MAP7D3: variants seen among roughly 807,000 people sequenced by gnomAD.
MAP7D3 encodes the protein MAP7 domain containing 3.
A neutral mutation model predicts 62.2 loss-of-function variants in MAP7D3; 45 were observed. That is an observed-to-expected ratio of 0.72 (90% CI 0.57 to 0.93). MAP7D3 has a LOEUF of 0.93. Among genes scored for constraint, MAP7D3 ranks in the 40% least tolerant of loss-of-function variants. The pLI, the probability that MAP7D3 is intolerant of heterozygous loss-of-function variation, is 0.00. For missense variants in MAP7D3, 711 were observed against 683.1 expected, an observed-to-expected ratio of 1.04 and a Z score of -0.45; for synonymous variants, 288 against 248.8, an observed-to-expected ratio of 1.16 and a Z score of -1.48.
chrX:136,215,136 T>C (rs1433554758), downstream of MAP7D3: 2 of 112,050 alleles, frequency 1.8e-5, no homozygotes, highest in Non-Finnish European at 3.8e-5. Flanking sequence ...CCCAAAGACT[T>C]GGGATAAACA....
At chrX:136,251,215 A>T in intron 1 of MAP7D3, 74 bp downstream of exon 1, 1 of 917,204 alleles carries the variant, frequency 1.1e-6, no homozygotes, top group Non-Finnish European at 1.5e-6. Flanking sequence ...CGCCGCTCCG[A>T]CGGCCCGGGG....
Position 136,220,886 on chromosome X carries a change from C to T in MAP7D3, c.2365G>A (p.Val789Ile), listed in dbSNP as rs770063034. The T allele has an allele frequency of 1.7e-6, 2 of 1,206,848 alleles. No homozygotes were observed. Among genetic ancestry groups the T allele is most frequent in the Non-Finnish European group, 1.1e-6 (1 of 891,080 alleles). ...TGGCTGGTACCATCTTCTAGAAATA[C>T]CAGCTTGTGTGTCATTTTCTTGGCA... ...NNAKKMTHKL[V>I]FLEDGTSQVR... is the part of the protein sequence containing the mutation. Residue 789 changes from valine to isoleucine, a missense_variant, in exon 16 of 19, where the codon GTA becomes ATA. By Grantham distance (29) the Val-to-Ile change is conservative. Coordinates refer to ENST00000316077, the MANE Select transcript of MAP7D3 (RefSeq NM_024597.4).
rs2074082358 is a variant in MAP7D3 at position 136,218,159 on chromosome X, C to A, written c.*367G>T. ...CAATCAGATTCTTCTAGAAACTCCACAGTTACAGTTTCAGGAAAGCATCCT... is the reference window on the plus strand; with the variant it reads ...CAATCAGATTCTTCTAGAAACTCCAAAGTTACAGTTTCAGGAAAGCATCCT... On this transcript the variant is annotated 3_prime_UTR_variant, in exon 19 of 19. Transcript: ENST00000316077. 1 of 112,003 alleles carries A rather than the reference C, an allele frequency of 8.9e-6. No homozygotes were observed. Among genetic ancestry groups the A allele is most frequent in the Non-Finnish European group, 1.9e-5 (1 of 53,154 alleles). The allele number at this position is 112,003 out of a possible 1,213,427, so 9.2% of individuals were successfully genotyped here. A position where few individuals can be genotyped will look rare whatever the true frequency, so the allele number is the denominator to read the frequency against.
At chrX:136,251,221 CG>C in intron 1 of MAP7D3, 67 bp downstream of exon 1, 4 of 951,345 alleles carry the variant, frequency 4.2e-6, no homozygotes, top group Admixed American at 3.0e-5. Context: ...TCCGACGGCC[CG>C]GGGACTGCGG....
intron 10 of MAP7D3, 104 bp from the exon 11 acceptor site, chrX:136,228,862 G>T: frequency 1.6e-6 from 1 of 627,386 alleles, no homozygotes; most frequent in Non-Finnish European, 2.2e-6. Context: ...ATATATGTGC[G>T]TAGTCCAAAA....
chrX:136,235,050 ATAACTC>A (rs752877911), intron 7 of MAP7D3, among the ~76,000 whole-genome samples: 179 of 112,030 alleles, frequency 1.6e-3, no homozygotes, highest in African/African-American at 5.4e-3. Context: ...ACATACCAAA[ATAACTC>A]TAAGGAAAGA....
chrX:136,255,643 A>T (rs1304955676), upstream of MAP7D3, among the ~76,000 whole-genome samples: 1 of 110,743 alleles, frequency 9.0e-6, no homozygotes, highest in Non-Finnish European at 1.9e-5. Context: ...TTTCTGAGAA[A>T]AAAATATTGG....
chrX:136,251,395 T>C lies in MAP7D3; in HGVS notation c.-37A>G, dbSNP rs2074510084. The stretch of plus-strand genomic sequence containing the variant: ...CCGGAGGCGGTGGTGGCTCTCCGCA[T>C]ACATTGCGCAGGCGTCGGCGCGGCC... On this transcript the variant is annotated 5_prime_UTR_variant, in exon 1 of 19. An upstream start codon of the reference 5' UTR is lost. Coordinates refer to ENST00000316077, the MANE Select transcript of MAP7D3 (RefSeq NM_024597.4). The C allele has an allele frequency of 1.0e-6, 1 of 990,859 alleles. No homozygotes were observed. The highest frequency in any genetic ancestry group is 6.0e-5 in the East Asian group (1 of 16,777). 81.7% of individuals were successfully genotyped at this position (990,859 alleles called of 1,213,427 possible). A position where few individuals can be genotyped will look rare whatever the true frequency, so the allele number is the denominator to read the frequency against.
rs1172182840 is a variant in MAP7D3 at position 136,218,038 on chromosome X, G to A, written c.*488C>T. ...CCACTGCACTGCAGCCTGGGCGACA[G>A]GGCAAGACTCCGTCTCAAAAAAAAA... On this transcript the variant is annotated 3_prime_UTR_variant, in exon 19 of 19. Coordinates refer to ENST00000316077, the MANE Select transcript of MAP7D3 (RefSeq NM_024597.4). The A allele has an allele frequency of 9.4e-6, 1 of 106,838 alleles. No homozygotes were observed. Among genetic ancestry groups the A allele is most frequent in the Non-Finnish European group, 1.9e-5 (1 of 51,701 alleles). The allele number at this position is 106,838 out of a possible 1,213,427, so 8.8% of individuals were successfully genotyped here.
intron 1 of MAP7D3, among the ~76,000 whole-genome samples, chrX:136,247,876 A>G (rs2074465798): frequency 8.9e-6 from 1 of 112,125 alleles, no homozygotes; most frequent in African/African-American, 3.2e-5. Flanking sequence ...TAGAAGTCCC[A>G]AGGATAGTCC....
At chrX:136,245,660 T>C (rs2148421502) in intron 3 of MAP7D3, among the ~76,000 whole-genome samples, 1 of 109,898 alleles carries the variant, frequency 9.1e-6, no homozygotes, top group South Asian at 4.0e-4. Flanking sequence ...GGCAGGAGAA[T>C]GGCATGAACC....
At position 136,222,472 on chromosome X, in the gene MAP7D3, G is replaced by A. The variant is rs761385820; in HGVS notation, c.2208C>T (p.Ser736=). The change falls in exon 15 of 19, where the codon TCC becomes TCT. Residue 736 remains serine (S), a synonymous_variant. Transcript: ENST00000316077. ...DVNASKVTET[S]SHDIYEEAEA... Reference sequence around the variant, plus strand: ...CAGCCTCTTCATATATGTCATGGCTGGATGTTTCTGTGACCTACGATTAAA... The same window carrying A: ...CAGCCTCTTCATATATGTCATGGCTAGATGTTTCTGTGACCTACGATTAAA... 1.7e-6 allele frequency: 2 copies of A among 1,197,470 alleles called. No individual in the cohort carries two copies. The highest frequency in any genetic ancestry group is 3.5e-5 in the African/African-American group (2 of 56,912).
At chrX:136,244,476 TA>T (rs2148420400) in intron 4 of MAP7D3, among the ~76,000 whole-genome samples, 155 bp downstream of exon 4, 1 of 111,193 alleles carries the variant, frequency 9.0e-6, no homozygotes, top group South Asian at 3.9e-4. Flanking sequence ...GGTAAAAGCC[TA>T]TATAATGCTG....
In MAP7D3 at chrX:136,228,690, G is replaced by A. The variant is rs371634445; in HGVS notation, c.1819C>T (p.Arg607Cys). The change falls in exon 11 of 19, where the codon CGC becomes TGC. Residue 607 changes from arginine to cysteine, a missense_variant. Coordinates refer to ENST00000316077, the MANE Select transcript of MAP7D3 (RefSeq NM_024597.4). ...EAATKILTEL[R>C]RLAREQREKE... ...TCTCTTTGTTCACGAGCAAGGCGGC[G>A]CAATTCTGTCAAAATTTTTGTTGCC... is the stretch of plus-strand genomic sequence containing the variant. The A allele has an allele frequency of 9.1e-6, 11 of 1,203,230 alleles. No individual in the cohort carries two copies. Among genetic ancestry groups the A allele is most frequent in the Non-Finnish European group, 1.2e-5 (11 of 891,058 alleles).
At chrX:136,224,043 CTCTTA>C (rs1412162542) in intron 14 of MAP7D3, among the ~76,000 whole-genome samples, 1 of 69,481 alleles carries the variant, frequency 1.4e-5, no homozygotes, top group Non-Finnish European at 2.5e-5. Context: ...CAGAGCAAGA[CTCTTA>C]TCTCAAAAAA....
intron 18 of MAP7D3, 53 bp downstream of exon 18, chrX:136,219,345 G>A (rs1012605344): frequency 1.6e-5 from 11 of 703,393 alleles, no homozygotes; most frequent in East Asian, 6.4e-5. Flanking sequence ...GGAGGGGAGC[G>A]GGTTCAGGGT....
chrX:136,216,730 T>C (rs897964176), downstream of MAP7D3: 1 of 112,323 alleles, frequency 8.9e-6, no homozygotes, highest in Non-Finnish European at 1.9e-5. Flanking sequence ...TGGCTGCCTG[T>C]GTTCATAGCT....
intron 6 of MAP7D3, among the ~76,000 whole-genome samples, chrX:136,236,699 T>G (rs1449900233): frequency 1.8e-5 from 2 of 112,261 alleles, no homozygotes; most frequent in Non-Finnish European, 3.8e-5. Context: ...AAAAAAGATA[T>G]ATACGTATAC....
At chrX:136,231,031 T>A in intron 8 of MAP7D3, 65 bp from the exon 9 acceptor site, 1 of 906,088 alleles carries the variant, frequency 1.1e-6, no homozygotes, top group Non-Finnish European at 1.5e-6. Flanking sequence ...GCTGGCTTTT[T>A]TTTTTTTTTT....
Sources: gnomAD v4.1 joint callset for allele counts (sites outside exome capture counted in the v4.1 genomes callset) on GRCh38, gnomAD v4.1.1 for gene constraint, MANE v1.5 for transcripts, NCBI Gene and HGNC (gene_info 2026-07-23, HGNC 2026-07-21) for gene names.